The following MME variants were observed in gnomAD, a reference collection of about 807,000 sequenced individuals.
MME encodes the protein membrane metalloendopeptidase.
Under a neutral mutation model 113.2 loss-of-function variants are expected in MME, and 98 were observed. The observed-to-expected ratio is 0.87, with a 90% CI of 0.74 to 1.02. The LOEUF is 1.02. MME is among the 50% of genes least tolerant of loss of function. MME has a pLI of 0.00. For missense variants in MME, 836 were observed against 896.0 expected (o/e 0.93, Z 0.86); for synonymous variants, 292 against 300.6 (o/e 0.97, Z 0.30).
intron 7 of MME, among the ~76,000 whole-genome samples, chr3:155,118,371 G>C (rs1193764939): frequency 6.6e-6 from 1 of 152,224 alleles, no homozygotes; most frequent in Non-Finnish European, 1.5e-5. Context: ...GAGCACATTA[G>C]AATCTCAGGA....
chr3:155,061,191 G>A (rs1714124379), intron 1 of MME, among the ~76,000 whole-genome samples: 1 of 152,136 alleles, frequency 6.6e-6, no homozygotes, highest in Non-Finnish European at 1.5e-5. Context: ...GGTGGCTCAC[G>A]CCTGTAATCC....
chr3:155,172,668 C>T (rs1210474805), intron 22 of MME, 56 bp downstream of exon 22: 2 of 1,253,504 alleles, frequency 1.6e-6, no homozygotes, highest in East Asian at 2.4e-5. Flanking sequence ...ATTGCTTCCA[C>T]ATTTGGAATT....
intron 3 of MME, among the ~76,000 whole-genome samples, chr3:155,111,168 G>A (rs1033354081): frequency 7.9e-5 from 12 of 152,124 alleles, no homozygotes; most frequent in South Asian, 4.1e-4. Flanking sequence ...CAAGTCTACC[G>A]CTGACTTCAA....
chr3:155,036,410 G>A (rs1189801658), intron 1 of MME, among the ~76,000 whole-genome samples: 1 of 152,006 alleles, frequency 6.6e-6, no homozygotes, highest in Non-Finnish European at 1.5e-5. Context: ...TTTGTCTTGA[G>A]TCCTGTCCCA....
chr3:155,045,053 C>T (rs1308940166), intron 1 of MME, among the ~76,000 whole-genome samples: 1 of 151,904 alleles, frequency 6.6e-6, no homozygotes, highest in Admixed American at 6.5e-5. Flanking sequence ...TGGAATTATC[C>T]ATGAATTATC....
chr3:155,159,613 A>C (rs974113562), intron 16 of MME, among the ~76,000 whole-genome samples: 2 of 151,888 alleles, frequency 1.3e-5, no homozygotes, highest in Admixed American at 6.6e-5. Flanking sequence ...ATCATCTGGG[A>C]GCCATTTTTT....
At chr3:155,072,141 C>T (rs1428370188) in intron 1 of MME, among the ~76,000 whole-genome samples, 4 of 125,890 alleles carry the variant, frequency 3.2e-5, no homozygotes, top group Non-Finnish European at 6.3e-5. Context: ...GCAGTCCGGC[C>T]TGGGCGACAG....
chr3:155,042,828 T>C (rs1375834322), intron 1 of MME, among the ~76,000 whole-genome samples: 1 of 147,676 alleles, frequency 6.8e-6, no homozygotes, highest in Non-Finnish European at 1.5e-5. Context: ...GCCTATTTTC[T>C]GCTACATTTT....
chr3:155,049,661 ATCTATCTATC>A (rs1559892450), intron 1 of MME, among the ~76,000 whole-genome samples: 4 of 151,562 alleles, frequency 2.6e-5, no homozygotes, highest in East Asian at 1.9e-4. Context: ...CTATCTATCT[ATCTATCTATC>A]TATATATAGA....
At chr3:155,177,078 T>G (rs1344479754) in intron 22 of MME, among the ~76,000 whole-genome samples, 4 of 152,184 alleles carry the variant, frequency 2.6e-5, no homozygotes, top group African/African-American at 9.7e-5. Context: ...GTTTGTTGTT[T>G]TAACTTAATT....
At chr3:155,078,487 C>T (rs115397404), upstream of MME, among the ~76,000 whole-genome samples, 1 of 152,112 alleles carries the variant, frequency 6.6e-6, no homozygotes, top group South Asian at 2.1e-4. Flanking sequence ...TTAGGATGAA[C>T]TACCTTTTCT....
chr3:155,075,944 T>C (rs149693797), upstream of MME, among the ~76,000 whole-genome samples: 724 of 152,378 alleles, frequency 4.8e-3, 5 homozygotes, highest in African/African-American at 0.017. Context: ...TTTGCTTAGA[T>C]TTATTTATGT....
chr3:155,102,643 C>T (rs1356395897), intron 3 of MME, among the ~76,000 whole-genome samples: 1 of 152,170 alleles, frequency 6.6e-6, no homozygotes. Flanking sequence ...ATAAAGACAG[C>T]TTGTAATAAA....
chr3:155,037,406 C>G (rs1008965013), intron 1 of MME, among the ~76,000 whole-genome samples: 6 of 151,934 alleles, frequency 3.9e-5, no homozygotes, highest in Non-Finnish European at 7.4e-5. Context: ...AGTAATTTGC[C>G]CCTGTTGGAA....
At chr3:155,165,685 C>T (rs1723040606) in intron 17 of MME, among the ~76,000 whole-genome samples, 1 of 152,060 alleles carries the variant, frequency 6.6e-6, no homozygotes, top group Non-Finnish European at 1.5e-5. Flanking sequence ...TAAGTCATTC[C>T]TGAGACAAGG....
chr3:155,030,664 C>G (rs1712941393), intron 1 of MME, among the ~76,000 whole-genome samples: 1 of 152,238 alleles, frequency 6.6e-6, no homozygotes, highest in East Asian at 1.9e-4. Flanking sequence ...AGCTAGGCAT[C>G]TCCAAAGAGG....
At chr3:155,078,659 A>G (rs111955061), upstream of MME, among the ~76,000 whole-genome samples, 4,790 of 141,854 alleles carry the variant, frequency 0.034, 133 homozygotes, top group South Asian at 0.095. Context: ...ATGTGTGTGT[A>G]TGTGTGTGTG....
intron 2 of MME, 27 bp downstream of exon 2, chr3:155,084,354 C>A: frequency 6.2e-7 from 1 of 1,611,950 alleles, no homozygotes; most frequent in Non-Finnish European, 8.5e-7. Context: ...CCTGTGCATC[C>A]ATAAGTGCAA....
intron 1 of MME, among the ~76,000 whole-genome samples, chr3:155,063,703 T>G (rs1257795686): frequency 7.3e-6 from 1 of 136,108 alleles, no homozygotes; most frequent in Non-Finnish European, 1.5e-5. Flanking sequence ...TTATATTATA[T>G]TATATTATAT....
Sources: allele counts gnomAD v4.1 joint callset (sites outside exome capture counted in the v4.1 genomes callset), GRCh38; gene constraint gnomAD v4.1.1; transcripts MANE v1.5; gene names NCBI Gene and HGNC (gene_info 2026-07-23, HGNC 2026-07-21).